SCTR: variants seen among roughly 807,000 people sequenced by gnomAD.
SCTR encodes the protein pancreatic secretin receptor.
SCTR carries 56 observed loss-of-function variants against 60.8 expected under a neutral mutation model. That is an observed-to-expected ratio of 0.92 (90% CI 0.74 to 1.15). SCTR has a LOEUF of 1.15. Ranked by LOEUF, SCTR falls within the 50% of genes most tolerant of loss-of-function variation. The pLI is 0.00. For missense variants in SCTR, 562 were observed against 550.4 expected, an observed-to-expected ratio of 1.02 and a Z score of -0.21; for synonymous variants, 202 against 217.0, an observed-to-expected ratio of 0.93 and a Z score of 0.61.
chr2:119,452,451 G>T (rs370124668), intron 8 of SCTR, among the ~76,000 whole-genome samples: 2 of 152,208 alleles, frequency 1.3e-5, no homozygotes, highest in African/African-American at 4.8e-5. Context: ...AGGATCTGGG[G>T]ACATCAGGCC....
At chr2:119,509,124 T>C (rs1162180218) in intron 1 of SCTR, among the ~76,000 whole-genome samples, 1 of 152,240 alleles carries the variant, frequency 6.6e-6, no homozygotes, top group Non-Finnish European at 1.5e-5. Context: ...AGTGATTTGA[T>C]GTGAGCAGAG....
At chr2:119,502,987 TAA>T (rs35814848) in intron 1 of SCTR, among the ~76,000 whole-genome samples, 170 of 144,302 alleles carry the variant, frequency 1.2e-3, no homozygotes, top group Non-Finnish European at 1.3e-3. Context: ...TCATCTCTAC[TAA>T]AAAAAAAAAA....
Position 119,445,389 on chromosome 2 carries a change from G to A in SCTR, c.1140+1370C>T, listed in dbSNP as rs1682887844. Among the ~76,000 whole-genome samples, 5 of 152,224 alleles carry A rather than the reference G, an allele frequency of 3.3e-5. No homozygotes were observed. In the South Asian group the frequency reaches 1.0e-3, roughly 31 times the overall value. ...TAAGCCAGAGGCTGAGTTCTCTGGA[G>A]GTCTGGGGCACTGACGGGTTACTGG... On this transcript the variant is annotated intron_variant, in intron 11 of 12. Transcript: ENST00000019103.
intron 2 of SCTR, among the ~76,000 whole-genome samples, chr2:119,491,767 C>T (rs1250561829): frequency 6.6e-6 from 1 of 152,124 alleles, no homozygotes; most frequent in Non-Finnish European, 1.5e-5. Flanking sequence ...TGCCTCGGCC[C>T]TCCAAAGTGC....
chr2:119,450,898 G>A (rs1415275074), intron 9 of SCTR, among the ~76,000 whole-genome samples: 1 of 152,220 alleles, frequency 6.6e-6, no homozygotes, highest in Non-Finnish European at 1.5e-5. Flanking sequence ...GGAGGTGGAG[G>A]TTGCAGTGAG....
At position 119,494,521 on chromosome 2, in the gene SCTR, C is replaced by T. The variant is rs781278216; in HGVS notation, c.100G>A (p.Val34Met). 16 of 1,613,944 alleles carry T rather than the reference C, an allele frequency of 9.9e-6. No individual in the cohort carries two copies. In the African/African-American group the frequency reaches 1.3e-4, roughly 13 times the overall value. The change falls in exon 2 of 13, where the codon GTG becomes ATG. Residue 34 changes from valine to methionine, a missense_variant. Coordinates refer to ENST00000019103, the MANE Select transcript of SCTR (RefSeq NM_002980.3). ...STGALPRLCDVLQVLWEEQDQ... is the reference protein window; with the variant it reads ...STGALPRLCDMLQVLWEEQDQ... ...TGCTCTTCCCACAGCACTTGTAGCA[C>T]GTCACATAGTCGGGGAAGGGCTCCA...
At chr2:119,459,923 A>G (rs1374092087) in intron 7 of SCTR, among the ~76,000 whole-genome samples, 1 of 152,060 alleles carries the variant, frequency 6.6e-6, no homozygotes, top group Non-Finnish European at 1.5e-5. Context: ...GGGCTCAGTG[A>G]GTTGGGTGCT....
At chr2:119,508,418 G>T (rs371612675) in intron 1 of SCTR, among the ~76,000 whole-genome samples, 3 of 98,306 alleles carry the variant, frequency 3.1e-5, no homozygotes, top group Non-Finnish European at 5.4e-5. Context: ...TGGCAATCTC[G>T]CTCTGTTGCC....
intron 3 of SCTR, 101 bp from the exon 4 acceptor site, chr2:119,473,657 G>A: frequency 1.3e-6 from 1 of 765,260 alleles, no homozygotes; most frequent in Non-Finnish European, 2.3e-6. Flanking sequence ...CCACTCTATA[G>A]TGTGGAAACT....
chr2:119,465,323 G>C (rs572417550), intron 5 of SCTR, among the ~76,000 whole-genome samples: 8 of 152,290 alleles, frequency 5.3e-5, no homozygotes, highest in South Asian at 2.1e-4. Flanking sequence ...GGCCAACCCA[G>C]AGCAGTGGAA....
At chr2:119,466,764 T>TATACATACATACATACATAC (rs3052360) in intron 4 of SCTR, among the ~76,000 whole-genome samples, 7 of 151,088 alleles carry the variant, frequency 4.6e-5, no homozygotes, top group African/African-American at 1.7e-4. Context: ...TAAATAAATA[T>TATACATACATACATACATAC]ATACATACAT....
intron 9 of SCTR, among the ~76,000 whole-genome samples, chr2:119,451,657 T>C (rs1181076671): frequency 6.6e-6 from 1 of 152,164 alleles, no homozygotes; most frequent in Non-Finnish European, 1.5e-5. Context: ...AGCAAATCCC[T>C]AGAAAAATGT....
intron 1 of SCTR, among the ~76,000 whole-genome samples, chr2:119,508,914 C>T (rs1052329496): frequency 2.6e-5 from 4 of 152,176 alleles, no homozygotes; most frequent in Non-Finnish European, 5.9e-5. Flanking sequence ...ACATCCATTG[C>T]GTCCTCTTGA....
At chr2:119,506,857 G>A (rs1447031637) in intron 1 of SCTR, among the ~76,000 whole-genome samples, 1 of 152,136 alleles carries the variant, frequency 6.6e-6, no homozygotes, top group Non-Finnish European at 1.5e-5. Context: ...GGGTGAGAAT[G>A]GGAGAAAAGT....
intron 3 of SCTR, among the ~76,000 whole-genome samples, chr2:119,476,094 T>C (rs1164407243): frequency 6.6e-6 from 1 of 152,100 alleles, no homozygotes; most frequent in Non-Finnish European, 1.5e-5. Context: ...TCAAGGAGAA[T>C]TAATTTATTT....
At chr2:119,499,860 G>A (rs1678475610) in intron 1 of SCTR, among the ~76,000 whole-genome samples, 1 of 152,048 alleles carries the variant, frequency 6.6e-6, no homozygotes. Flanking sequence ...AGGATGGCAA[G>A]ATGTCTACTC....
intron 1 of SCTR, among the ~76,000 whole-genome samples, chr2:119,515,093 G>A (rs1232642181): frequency 1.3e-5 from 2 of 152,108 alleles, no homozygotes; most frequent in African/African-American, 4.8e-5. Context: ...CATTTATTGG[G>A]CACCTACTAT....
intron 4 of SCTR, among the ~76,000 whole-genome samples, chr2:119,469,365 G>T (rs994844023): frequency 1.3e-5 from 2 of 152,156 alleles, no homozygotes; most frequent in African/African-American, 4.8e-5. Context: ...GCCATTGCTT[G>T]CCAGGTGACC....
At chr2:119,478,986 C>T (rs1677474720) in intron 2 of SCTR, 68 bp from the exon 3 acceptor site, 1 of 1,595,482 alleles carries the variant, frequency 6.3e-7, no homozygotes, top group African/African-American at 1.3e-5. Context: ...ATCCTGTCCA[C>T]ATCACCGACA....
Sources: allele counts gnomAD v4.1 joint callset (sites outside exome capture counted in the v4.1 genomes callset), GRCh38; gene constraint gnomAD v4.1.1; transcripts MANE v1.5; gene names NCBI Gene and HGNC (gene_info 2026-07-23, HGNC 2026-07-21).